Variants in ARIH1 observed in about 807,000 individuals in gnomAD.
ARIH1 encodes ariadne RBR E3 ubiquitin protein ligase 1, also known as E3 ubiquitin-protein ligase ARIH1.
Under a neutral mutation model 85.0 loss-of-function variants are expected in ARIH1, and 8 were observed. That is an observed-to-expected ratio of 0.09 (90% CI 0.06 to 0.17). The LOEUF is 0.17. ARIH1 is among the 10% of genes least tolerant of loss of function. ARIH1 has a pLI of 1.00. For synonymous variants in ARIH1, 238 were observed against 253.6 expected (o/e 0.94, Z 0.59); for missense variants, 311 against 718.1 (o/e 0.43, Z 6.48).
intron 1 of ARIH1, among the ~76,000 whole-genome samples, chr15:72,506,980 T>TTATGTATGTATG (rs72006883): frequency 4.7e-5 from 7 of 149,998 alleles, no homozygotes; most frequent in African/African-American, 1.7e-4. Flanking sequence ...GTGATTATTT[T>TTATGTATGTATG]TATGTATGTA....
chr15:72,488,182 C>A lies in ARIH1; in HGVS notation c.375+13168C>A, dbSNP rs549645560. ...TCCTGAGTAGCTGGGACTACAGTTG[C>A]ATGCCACTACACCTGGCTAATTTTT... On this transcript the variant is annotated intron_variant, in intron 1 of 13. Transcript: ENST00000379887. 1.2e-4 allele frequency among the ~76,000 whole-genome samples: 19 copies of A among 152,098 alleles called. 1 individual carries two copies. The South Asian group carries it at 4.0e-3, about 32-fold the overall frequency.
At chr15:72,511,605 C>T (rs898340697) in intron 1 of ARIH1, among the ~76,000 whole-genome samples, 2 of 152,150 alleles carry the variant, frequency 1.3e-5, no homozygotes, top group African/African-American at 4.8e-5. Context: ...GTGCCTGGCC[C>T]AGCTGATCTT....
rs998788138 is a variant in ARIH1 at position 72,594,395 on chromosome 15, C to G, written c.*11103C>G. Reference sequence around the variant, plus strand: ...ATGTTGGTCAGCCTGGTCTCGAGCTCCTGACCTCGTGATCCAACCACCTTG... The same window carrying G: ...ATGTTGGTCAGCCTGGTCTCGAGCTGCTGACCTCGTGATCCAACCACCTTG... On this transcript the variant is annotated 3_prime_UTR_variant, in exon 14 of 14. Coordinates refer to ENST00000379887, the MANE Select transcript of ARIH1 (RefSeq NM_005744.5). The G allele has an allele frequency of 3.9e-5, 6 of 152,168 alleles. No homozygotes were observed. The highest frequency in any genetic ancestry group is 1.4e-4 in the African/African-American group (6 of 41,430). The allele number at this position is 152,168 out of a possible 1,614,324, so 9.4% of individuals were successfully genotyped here.
chr15:72,563,609 G>C (rs577449091), intron 7 of ARIH1, 109 bp downstream of exon 7: 1 of 852,488 alleles, frequency 1.2e-6, no homozygotes, highest in African/African-American at 1.7e-5. Flanking sequence ...TAGGCAGGGA[G>C]ATGTTTGATA....
At chr15:72,556,814 G>T (rs1038843326) in intron 5 of ARIH1, among the ~76,000 whole-genome samples, 1 of 152,126 alleles carries the variant, frequency 6.6e-6, no homozygotes, top group African/African-American at 2.4e-5. Flanking sequence ...GAGAACATGT[G>T]GTATTGAGTA....
At chr15:72,548,528 G>A (rs2064139286) in intron 3 of ARIH1, among the ~76,000 whole-genome samples, 1 of 152,150 alleles carries the variant, frequency 6.6e-6, no homozygotes, top group South Asian at 2.1e-4. Flanking sequence ...GCAAGTGATA[G>A]GATAAGATAG....
chr15:72,474,708 C>T lies in ARIH1; in HGVS notation c.69C>T (p.Gly23=), dbSNP rs774567902. 1.7e-5 allele frequency: 27 copies of T among 1,566,928 alleles called. 1 individual carries two copies. The South Asian group carries it at 2.9e-4, about 17-fold the overall frequency. The change falls in exon 1 of 14, where the codon GGC becomes GGT. Residue 23 remains glycine (G), a synonymous_variant. Coordinates refer to ENST00000379887, the MANE Select transcript of ARIH1 (RefSeq NM_005744.5). ...EDEECSEEDS[G]AEEEEDEDDD... is the part of the protein sequence containing the mutation. Reference sequence around the variant, plus strand: ...AGGAGTGCAGTGAGGAGGACAGCGGCGCCGAGGAGGAGGAGGACGAAGACG... The same window carrying T: ...AGGAGTGCAGTGAGGAGGACAGCGGTGCCGAGGAGGAGGAGGACGAAGACG...
rs141404498 is a variant in ARIH1, at chr15:72,566,147, A to C, written c.912-416A>C. Among the ~76,000 whole-genome samples the C allele has an allele frequency of 1.3e-3, 193 of 152,268 alleles. 1 individual carries two copies. The highest frequency in any genetic ancestry group is 4.5e-3 in the African/African-American group (187 of 41,570). On this transcript the variant is annotated intron_variant, in intron 7 of 13. Coordinates refer to ENST00000379887, the MANE Select transcript of ARIH1 (RefSeq NM_005744.5). The stretch of plus-strand genomic sequence containing the variant: ...CAAAGATGTGACCTATTTGCTTCCC[A>C]TATATTGTTTACTGTGTATTAGTAC...
At chr15:72,479,510 G>A (rs983694727) in intron 1 of ARIH1, among the ~76,000 whole-genome samples, 2 of 151,708 alleles carry the variant, frequency 1.3e-5, no homozygotes, top group Non-Finnish European at 2.9e-5. Flanking sequence ...CTGGGTTCAA[G>A]CGATTCTCCT....
At chr15:72,574,581 C>T (rs1018722957) in intron 11 of ARIH1, among the ~76,000 whole-genome samples, 8 of 152,178 alleles carry the variant, frequency 5.3e-5, no homozygotes, top group Non-Finnish European at 1.2e-4. Context: ...ACCACAGTGC[C>T]GACAGTTGTG....
intron 2 of ARIH1, among the ~76,000 whole-genome samples, chr15:72,527,754 T>C (rs1388694353): frequency 3.9e-5 from 6 of 152,226 alleles, no homozygotes; most frequent in Admixed American, 3.9e-4. Context: ...AGTTAACCTT[T>C]TCTTCTGAGA....
rs2064375039 is a variant in ARIH1 at position 72,599,567 on chromosome 15, T to TG, written c.*16277dup. The TG allele has an allele frequency of 6.6e-6, 1 of 152,194 alleles. No homozygotes were observed. Among genetic ancestry groups the TG allele is most frequent in the African/African-American group, 2.4e-5 (1 of 41,440 alleles). The allele number at this position is 152,194 out of a possible 1,614,324, so 9.4% of individuals were successfully genotyped here. On this transcript the variant is annotated 3_prime_UTR_variant, in exon 14 of 14. Coordinates refer to ENST00000379887, the MANE Select transcript of ARIH1 (RefSeq NM_005744.5). ...AGGGGTCTCACTGTGCTGCCTAGGCTGGTCTCAAACTCCTGGCCTCCTACC... is the reference window on the plus strand; with the variant it reads ...AGGGGTCTCACTGTGCTGCCTAGGCTGGGTCTCAAACTCCTGGCCTCCTACC...
intron 2 of ARIH1, among the ~76,000 whole-genome samples, chr15:72,526,814 G>A (rs377182818): frequency 6.6e-6 from 1 of 150,470 alleles, no homozygotes; most frequent in African/African-American, 2.4e-5. Flanking sequence ...ATCCATTATA[G>A]CAGTTTTCCA....
chr15:72,538,007 T>G lies in ARIH1; in HGVS notation c.444-6813T>G, dbSNP rs114453562. Among the ~76,000 whole-genome samples the G allele has an allele frequency of 1.9e-3, 289 of 152,326 alleles. 1 individual carries two copies. Among genetic ancestry groups the G allele is most frequent in the African/African-American group, 6.7e-3 (279 of 41,564 alleles). On this transcript the variant is annotated intron_variant, in intron 2 of 13. Coordinates refer to ENST00000379887, the MANE Select transcript of ARIH1 (RefSeq NM_005744.5). The stretch of plus-strand genomic sequence containing the variant: ...AGGCTTATAGCAATAGCTAGTTGAC[T>G]TGCAAATGTATAATGGAAGCATTAA...
chr15:72,534,516 G>A (rs1030322338), intron 2 of ARIH1, among the ~76,000 whole-genome samples: 2 of 152,172 alleles, frequency 1.3e-5, no homozygotes, highest in Non-Finnish European at 2.9e-5. Flanking sequence ...GTCTTAAAGG[G>A]AAGGTCCATC....
intron 1 of ARIH1, among the ~76,000 whole-genome samples, chr15:72,491,970 T>C (rs1485993164): frequency 6.6e-6 from 1 of 152,216 alleles, no homozygotes; most frequent in African/African-American, 2.4e-5. Flanking sequence ...GACTGACTTA[T>C]ACAGGCTGAG....
chr15:72,559,596 T>G (rs2064189414), intron 5 of ARIH1, among the ~76,000 whole-genome samples: 1 of 152,186 alleles, frequency 6.6e-6, no homozygotes, highest in African/African-American at 2.4e-5. Context: ...AAGTATATTA[T>G]CCAGTGGCTT....
At chr15:72,502,911 C>G (rs2063909709) in intron 1 of ARIH1, among the ~76,000 whole-genome samples, 1 of 152,118 alleles carries the variant, frequency 6.6e-6, no homozygotes. Context: ...GAATATTATC[C>G]TCAACATTTT....
chr15:72,556,560 GTTCT>G (rs1201147290), intron 5 of ARIH1, among the ~76,000 whole-genome samples: 1 of 152,136 alleles, frequency 6.6e-6, no homozygotes, highest in Non-Finnish European at 1.5e-5. Flanking sequence ...CTTGTGAAAG[GTTCT>G]TTCTTTTTTT....
Sources: gnomAD v4.1 joint callset for allele counts (sites outside exome capture counted in the v4.1 genomes callset) on GRCh38, gnomAD v4.1.1 for gene constraint, MANE v1.5 for transcripts, NCBI Gene and HGNC (gene_info 2026-07-23, HGNC 2026-07-21) for gene names.